RASGEF1C: variants seen among roughly 807,000 people sequenced by gnomAD.
RASGEF1C encodes RasGEF domain family member 1C, also known as ras-GEF domain-containing family member 1C.
In RASGEF1C, 27 loss-of-function variants were observed where a neutral mutation model predicts 58.1. The ratio of observed to expected loss-of-function variants is 0.46; its 90% CI spans 0.34 to 0.64. RASGEF1C has a LOEUF of 0.64. Ranked by LOEUF, RASGEF1C falls within the 30% of genes least tolerant of loss-of-function variation. The probability of loss-of-function intolerance (pLI) is 0.01; values close to 1 mark genes in which losing one functional copy is unlikely to be tolerated. For synonymous variants in RASGEF1C, 243 were observed against 246.3 expected (o/e 0.99, Z 0.13); for missense variants, 502 against 605.1 (o/e 0.83, Z 1.79).
chr5:180,110,533 C>T (rs958567770), intron 12 of RASGEF1C, among the ~76,000 whole-genome samples: 2 of 152,086 alleles, frequency 1.3e-5, no homozygotes, highest in African/African-American at 4.8e-5. Flanking sequence ...GGCCGCGGGG[C>T]CATTCCACCC....
intron 1 of RASGEF1C, among the ~76,000 whole-genome samples, chr5:180,189,519 G>A (rs1756105673): frequency 6.6e-6 from 1 of 152,164 alleles, no homozygotes. Context: ...CATCAAGATT[G>A]GCAAAGATCA....
rs923644046 is a variant in RASGEF1C, at chr5:180,101,643, A to T, written c.1377-118T>A. ...GAGGAGAGCCAGCCTCCTGCCCCAG[A>T]GGGGTGTTCTGCAAATCCCTGGGGC... On this transcript the variant is annotated intron_variant, in intron 13 of 13. Transcript: ENST00000361132. 3.1e-6 allele frequency: 4 copies of T among 1,285,290 alleles called. No homozygotes were observed. In the African/African-American group the frequency reaches 5.9e-5, roughly 19 times the overall value. The allele number at this position is 1,285,290 out of a possible 1,614,324, so 79.6% of individuals were successfully genotyped here.
intron 1 of RASGEF1C, among the ~76,000 whole-genome samples, chr5:180,207,255 G>T (rs1437834955): frequency 6.6e-6 from 1 of 152,220 alleles, no homozygotes; most frequent in Non-Finnish European, 1.5e-5. Flanking sequence ...CTAAGTAAAT[G>T]ATGAAATATA....
At chr5:180,200,286 T>C (rs1756362620) in intron 1 of RASGEF1C, among the ~76,000 whole-genome samples, 1 of 146,446 alleles carries the variant, frequency 6.8e-6, no homozygotes, top group African/African-American at 2.5e-5. Flanking sequence ...ATTTAATAGA[T>C]GAAGAGATGA....
At position 180,143,616 on chromosome 5, in the gene RASGEF1C, A is replaced by G. The variant is rs1305443480; in HGVS notation, c.-6-5558T>C. 1.3e-5 allele frequency among the ~76,000 whole-genome samples: 2 copies of G among 152,228 alleles called. No individual in the cohort carries two copies. The highest frequency in any genetic ancestry group is 4.8e-5 in the African/African-American group (2 of 41,450). On this transcript the variant is annotated intron_variant, in intron 1 of 13. Coordinates refer to ENST00000361132, the MANE Select transcript of RASGEF1C (RefSeq NM_175062.4). The surrounding 1 kb of genome is among the most constrained non-coding windows in gnomAD (Gnocchi z 4.3). ...CTCAGACCTTCCTGGTGTAAAAGTC[A>G]TCCAGGACATCCAGGACTCCTGACT...
intron 10 of RASGEF1C, among the ~76,000 whole-genome samples, chr5:180,117,146 T>C (rs1339051957): frequency 6.6e-6 from 1 of 152,134 alleles, no homozygotes; most frequent in Non-Finnish European, 1.5e-5. Context: ...GGATTTGAGG[T>C]CTCGCATCCC....
chr5:180,199,653 G>A (rs1053434232), intron 1 of RASGEF1C, among the ~76,000 whole-genome samples: 1 of 151,928 alleles, frequency 6.6e-6, no homozygotes, highest in African/African-American at 2.4e-5. Flanking sequence ...GGTGACCTCT[G>A]CCTTCCCTCC....
At chr5:180,146,086 C>T (rs548793793) in intron 1 of RASGEF1C, among the ~76,000 whole-genome samples, 2 of 152,256 alleles carry the variant, frequency 1.3e-5, no homozygotes, top group Admixed American at 6.5e-5. Flanking sequence ...TCTTTTGTTG[C>T]CTGTGTCTTT....
At chr5:180,166,404 A>G (rs1767020803) in intron 1 of RASGEF1C, among the ~76,000 whole-genome samples, 1 of 152,142 alleles carries the variant, frequency 6.6e-6, no homozygotes, top group Admixed American at 6.5e-5. Context: ...CCCTTTGGCC[A>G]GAAGAACTTC....
Position 180,156,100 on chromosome 5 carries a change from T to A in RASGEF1C, c.-6-18042A>T, listed in dbSNP as rs996154534. ...CATCTTCCTCAACCGGTCCCACTCC[T>A]CATCCCCCTAACCTCTAGACAAGAC... On this transcript the variant is annotated intron_variant, in intron 1 of 13. Transcript: ENST00000361132. The surrounding 1 kb of genome is among the most constrained non-coding windows in gnomAD (Gnocchi z 4.9). Among the ~76,000 whole-genome samples, 9 of 152,328 alleles carry A rather than the reference T, an allele frequency of 5.9e-5. No individual in the cohort carries two copies. Among genetic ancestry groups the A allele is most frequent in the Middle Eastern group, 3.4e-3 (1 of 294 alleles).
intron 10 of RASGEF1C, among the ~76,000 whole-genome samples, chr5:180,117,160 G>GTGC (rs1471194586): frequency 6.6e-6 from 1 of 152,182 alleles, no homozygotes; most frequent in Non-Finnish European, 1.5e-5. Flanking sequence ...GCATCCCTGG[G>GTGC]TGCTGCTCCC....
rs1012710199 is a variant in RASGEF1C, at chr5:180,137,668, G to A, written c.222C>T (p.Ile74=). 2.5e-6 allele frequency: 4 copies of A among 1,612,886 alleles called. No individual in the cohort carries two copies. Among genetic ancestry groups the A allele is most frequent in the South Asian group, 2.2e-5 (2 of 91,076 alleles). The change falls in exon 3 of 14, where the codon ATC becomes ATT. Residue 74 remains isoleucine, a synonymous_variant. Transcript: ENST00000361132. The surrounding 1 kb of genome is among the most constrained non-coding windows in gnomAD (Gnocchi z 4.1). ...CCCGGGCCAGGAGCTCCCGGGGCTC[G>A]ATGAAGAGGCGAGAGCTCAGCAGGA... ...FTFLLSSRLF[I]EPRELLARVC...
intron 6 of RASGEF1C, among the ~76,000 whole-genome samples, chr5:180,121,487 G>T (rs1188383581): frequency 6.6e-6 from 1 of 152,022 alleles, no homozygotes; most frequent in Non-Finnish European, 1.5e-5. Flanking sequence ...AGAATTTTTT[G>T]TATTTTTAGT....
At chr5:180,159,203 G>A (rs1183301584) in intron 1 of RASGEF1C, among the ~76,000 whole-genome samples, 3 of 150,898 alleles carry the variant, frequency 2.0e-5, no homozygotes, top group East Asian at 1.9e-4. Flanking sequence ...GCAACGGCGC[G>A]ATCTCGGCTC....
At chr5:180,194,668 C>G (rs1338991333) in intron 1 of RASGEF1C, among the ~76,000 whole-genome samples, 1 of 152,256 alleles carries the variant, frequency 6.6e-6, no homozygotes, top group Non-Finnish European at 1.5e-5. Flanking sequence ...AGGACACTGC[C>G]ACTTCCCAGG....
chr5:180,180,604 C>T (rs1767309863), intron 1 of RASGEF1C, among the ~76,000 whole-genome samples: 1 of 152,256 alleles, frequency 6.6e-6, no homozygotes. Context: ...CCAGACTGGC[C>T]ATCGGTGGGA....
intron 1 of RASGEF1C, among the ~76,000 whole-genome samples, chr5:180,200,240 T>C (rs1024125316): frequency 6.7e-6 from 1 of 149,636 alleles, no homozygotes; most frequent in Non-Finnish European, 1.5e-5. Flanking sequence ...CATTCCAGCC[T>C]GGGCTACAGA....
At chr5:180,176,041 A>T (rs1267196504) in intron 1 of RASGEF1C, among the ~76,000 whole-genome samples, 1 of 152,232 alleles carries the variant, frequency 6.6e-6, no homozygotes, top group Non-Finnish European at 1.5e-5. Flanking sequence ...AGAGACAGTG[A>T]CAATGCTGCA....
At chr5:180,173,869 T>C (rs10455079) in intron 1 of RASGEF1C, among the ~76,000 whole-genome samples, 16 of 149,270 alleles carry the variant, frequency 1.1e-4, no homozygotes, top group Admixed American at 2.7e-4. Context: ...GCTGAGATTG[T>C]GCCACTGCAC....
Sources: allele counts gnomAD v4.1 joint callset (sites outside exome capture counted in the v4.1 genomes callset), GRCh38; gene constraint gnomAD v4.1.1; non-coding constraint Gnocchi (gnomAD v3.1); transcripts MANE v1.5; gene names NCBI Gene and HGNC (gene_info 2026-07-23, HGNC 2026-07-21).